The following OGDH variants were observed in gnomAD, a reference collection of about 807,000 sequenced individuals.
The protein encoded by OGDH is oxoglutarate dehydrogenase.
OGDH carries 38 observed loss-of-function variants against 116.6 expected under a neutral mutation model. That is an observed-to-expected ratio of 0.33 (90% CI 0.25 to 0.43). The LOEUF (loss-of-function observed/expected upper bound fraction) is 0.43. Ranked by LOEUF, OGDH falls within the 20% of genes least tolerant of loss-of-function variation. The pLI, the probability that OGDH is intolerant of heterozygous loss-of-function variation, is 1.00. For missense variants in OGDH, 825 were observed against 1,357.2 expected, an observed-to-expected ratio of 0.61 and a Z score of 6.16; for synonymous variants, 488 against 533.3, an observed-to-expected ratio of 0.92 and a Z score of 1.17.
In OGDH at chr7:44,708,127, C is replaced by T. The variant is rs1789170474; in HGVS notation, c.*128C>T. On this transcript the variant is annotated 3_prime_UTR_variant, in exon 23 of 23. Transcript: ENST00000222673. ...CTCCTCGCTGTGCCACCACCCCTCC[C>T]TCTGCTCTCATAGGAGTTAGGCTGT... 3.1e-6 allele frequency: 4 copies of T among 1,302,274 alleles called. No individual in the cohort carries two copies. The highest frequency in any genetic ancestry group is 4.2e-6 in the Non-Finnish European group (4 of 950,034). 80.7% of individuals were successfully genotyped at this position (1,302,274 alleles called of 1,614,324 possible).
chr7:44,673,180 A>T (rs1472505377), intron 5 of OGDH, among the ~76,000 whole-genome samples: 1 of 152,144 alleles, frequency 6.6e-6, no homozygotes. Context: ...AGCCTGGGTA[A>T]CATAGTGAGA....
chr7:44,650,172 A>AC (rs1413549577), intron 4 of OGDH, among the ~76,000 whole-genome samples: 1 of 152,136 alleles, frequency 6.6e-6, no homozygotes, highest in East Asian at 1.9e-4. Flanking sequence ...AAAAATGGAA[A>AC]CCGCGTAAAC....
At chr7:44,644,956 C>G (rs1585275523) in intron 2 of OGDH, among the ~76,000 whole-genome samples, 1 of 152,174 alleles carries the variant, frequency 6.6e-6, no homozygotes, top group Admixed American at 6.5e-5. Context: ...AAGGCTGAGA[C>G]AGTAAGTGTC....
intron 1 of OGDH, among the ~76,000 whole-genome samples, chr7:44,621,870 C>T (rs906182916): frequency 2.0e-5 from 3 of 147,226 alleles, no homozygotes; most frequent in African/African-American, 7.5e-5. Context: ...GACTCCGTAT[C>T]AAAAAAAAAA....
At chr7:44,686,104 G>A (rs905401072) in intron 10 of OGDH, among the ~76,000 whole-genome samples, 1 of 150,088 alleles carries the variant, frequency 6.7e-6, no homozygotes, top group African/African-American at 2.4e-5. Context: ...AATAGAGAAA[G>A]TTATTTTCCT....
At chr7:44,704,615 T>C (rs937753358) in intron 20 of OGDH, among the ~76,000 whole-genome samples, 9 of 152,306 alleles carry the variant, frequency 5.9e-5, no homozygotes, top group African/African-American at 1.7e-4. Flanking sequence ...ATCAGAAATA[T>C]AATTTGCAAA....
At chr7:44,625,076 T>C (rs1166379206) in intron 2 of OGDH, among the ~76,000 whole-genome samples, 1 of 152,204 alleles carries the variant, frequency 6.6e-6, no homozygotes, top group African/African-American at 2.4e-5. Context: ...TTTCACCACA[T>C]GATTACTGAT....
In OGDH at chr7:44,697,866, C is replaced by T. The variant is rs1001040599; in HGVS notation, c.2358+84C>T. On this transcript the variant is annotated intron_variant, in intron 17 of 22. Transcript: ENST00000222673. This position sits in a 1 kb window ranked among gnomAD's most constrained non-coding sequence, Gnocchi z 6.0. Reference sequence around the variant, plus strand: ...CTGACCCCAAAGACTGGCACGAGAGCCAGTGGCTCACACCAGCCTCCTAAG... The same window carrying T: ...CTGACCCCAAAGACTGGCACGAGAGTCAGTGGCTCACACCAGCCTCCTAAG... 2.7e-6 allele frequency: 4 copies of T among 1,467,708 alleles called. No individual in the cohort carries two copies. The highest frequency in any genetic ancestry group is 3.6e-6 in the Non-Finnish European group (4 of 1,097,870). 90.9% of individuals were successfully genotyped at this position (1,467,708 alleles called of 1,614,324 possible).
chr7:44,623,366 T>C (rs1785074311), intron 1 of OGDH, among the ~76,000 whole-genome samples: 1 of 152,210 alleles, frequency 6.6e-6, no homozygotes, highest in African/African-American at 2.4e-5. Context: ...CTGCAATCTT[T>C]TCTATGTTGT....
intron 2 of OGDH, among the ~76,000 whole-genome samples, chr7:44,635,304 A>G (rs545666627): frequency 6.6e-6 from 1 of 152,338 alleles, no homozygotes; most frequent in Non-Finnish European, 1.5e-5. Context: ...TATAGCAATT[A>G]AAAAGCATTG....
chr7:44,623,227 A>C (rs1168744878), intron 1 of OGDH, among the ~76,000 whole-genome samples: 1 of 152,038 alleles, frequency 6.6e-6, no homozygotes, highest in African/African-American at 2.4e-5. Flanking sequence ...GTCCTTCCAC[A>C]TGCAGTGCCT....
chr7:44,644,553 A>G (rs1786086892), intron 2 of OGDH, among the ~76,000 whole-genome samples: 1 of 152,208 alleles, frequency 6.6e-6, no homozygotes, highest in African/African-American at 2.4e-5. Context: ...TTCTCTCCTC[A>G]TAGATGAGAA....
rs1787648319 is a variant in OGDH, at chr7:44,675,380, G to A, written c.1026+112G>A. The stretch of plus-strand genomic sequence containing the variant: ...GGGGGTTGGTTCTTCTGTACCATTT[G>A]TGATTTGCCTTCCTTGTTGGGAGAA... On this transcript the variant is annotated intron_variant, in intron 8 of 22. Transcript: ENST00000222673. The A allele has an allele frequency of 1.3e-5, 11 of 876,036 alleles. No homozygotes were observed. The South Asian group carries it at 1.6e-4, about 13-fold the overall frequency. 54.3% of individuals were successfully genotyped at this position (876,036 alleles called of 1,614,324 possible).
chr7:44,697,223 A>C lies in OGDH; in HGVS notation c.2052-147A>C. The C allele has an allele frequency of 6.9e-7, 1 of 1,442,454 alleles. No homozygotes were observed. The highest frequency in any genetic ancestry group is 9.4e-7 in the Non-Finnish European group (1 of 1,058,316). 89.4% of individuals were successfully genotyped at this position (1,442,454 alleles called of 1,614,324 possible). A position where few individuals can be genotyped will look rare whatever the true frequency, so the allele number is the denominator to read the frequency against. On this transcript the variant is annotated intron_variant, in intron 15 of 22. Transcript: ENST00000222673. The surrounding 1 kb of genome is among the most constrained non-coding windows in gnomAD (Gnocchi z 6.0). ...CTCATTTGCTATGGGTGCTTCTGTT[A>C]AGACCTGGGTGGGGCCGACCCTGCA...
chr7:44,700,510 C>T (rs991201801), intron 19 of OGDH, among the ~76,000 whole-genome samples: 2 of 152,170 alleles, frequency 1.3e-5, no homozygotes, highest in Non-Finnish European at 2.9e-5. Context: ...GCACCACATG[C>T]GGAGCAATCA....
intron 19 of OGDH, among the ~76,000 whole-genome samples, 181 bp from the exon 20 acceptor site, chr7:44,701,362 G>A (rs1788822884): frequency 1.3e-5 from 2 of 152,182 alleles, no homozygotes; most frequent in Admixed American, 1.3e-4. Context: ...GAACAGCAGG[G>A]AAATTGGTCA....
chr7:44,695,499 G>A (rs1312742636), intron 12 of OGDH, among the ~76,000 whole-genome samples: 1 of 152,048 alleles, frequency 6.6e-6, no homozygotes, highest in Non-Finnish European at 1.5e-5. Flanking sequence ...GAGGTCAAGA[G>A]ATCGAGACCA....
chr7:44,648,668 G>T (rs1258969436), intron 4 of OGDH, among the ~76,000 whole-genome samples: 1 of 152,156 alleles, frequency 6.6e-6, no homozygotes, highest in African/African-American at 2.4e-5. Flanking sequence ...CTAAGGCTCT[G>T]CAGTGCCTGG....
At chr7:44,616,377 T>A (rs1784768261) in intron 1 of OGDH, among the ~76,000 whole-genome samples, 1 of 152,088 alleles carries the variant, frequency 6.6e-6, no homozygotes, top group Admixed American at 6.6e-5. Context: ...TTCAGACCTA[T>A]ATACTGAAGC....
Sources: gnomAD v4.1 joint callset for allele counts (sites outside exome capture counted in the v4.1 genomes callset) on GRCh38, gnomAD v4.1.1 for gene constraint, Gnocchi (gnomAD v3.1) non-coding constraint, MANE v1.5 for transcripts, NCBI Gene and HGNC (gene_info 2026-07-23, HGNC 2026-07-21) for gene names.